The following ZNF804B variants were observed in gnomAD, a reference collection of about 807,000 sequenced individuals.
ZNF804B encodes the protein zinc finger protein 804B, also known as zinc finger 804B.
Under a neutral mutation model 101.4 loss-of-function variants are expected in ZNF804B, and 80 were observed. The ratio of observed to expected loss-of-function variants is 0.79; its 90% CI spans 0.66 to 0.95. ZNF804B has a LOEUF of 0.95. Ranked by LOEUF, ZNF804B falls within the 40% of genes least tolerant of loss-of-function variation. The probability of loss-of-function intolerance (pLI) is 0.00; values close to 1 mark genes in which losing one functional copy is unlikely to be tolerated. For synonymous variants in ZNF804B, 622 were observed against 558.8 expected (o/e 1.11, Z -1.59); for missense variants, 1,673 against 1,561.9 (o/e 1.07, Z -1.20).
intron 1 of ZNF804B, among the ~76,000 whole-genome samples, chr7:89,112,722 T>C (rs951979507): frequency 1.3e-5 from 2 of 151,954 alleles, no homozygotes; most frequent in African/African-American, 4.8e-5. Flanking sequence ...AATTGACATC[T>C]TAATAATATT....
intron 1 of ZNF804B, among the ~76,000 whole-genome samples, chr7:89,153,429 G>GATAATA (rs58654760): frequency 0.049 from 7,176 of 145,394 alleles, 200 homozygotes; most frequent in Admixed American, 0.078. Flanking sequence ...TGATGATGAT[G>GATAATA]ATAATAATAA....
At chr7:89,028,456 T>A (rs1319605967) in intron 1 of ZNF804B, among the ~76,000 whole-genome samples, 1 of 152,160 alleles carries the variant, frequency 6.6e-6, no homozygotes, top group African/African-American at 2.4e-5. Flanking sequence ...TATAGTTAAC[T>A]TACTGTGTGC....
chr7:89,230,307 G>A (rs1276405778), intron 2 of ZNF804B, among the ~76,000 whole-genome samples: 1 of 74,022 alleles, frequency 1.4e-5, no homozygotes, highest in Non-Finnish European at 3.0e-5. Flanking sequence ...CATGGGGAGG[G>A]GGAGAGAGAG....
chr7:88,855,106 T>C (rs1186199507), intron 1 of ZNF804B, among the ~76,000 whole-genome samples: 7 of 152,096 alleles, frequency 4.6e-5, no homozygotes, highest in Admixed American at 2.6e-4. Context: ...TATAATCCTT[T>C]GGGTATATAC....
intron 1 of ZNF804B, among the ~76,000 whole-genome samples, chr7:88,796,694 G>A (rs1317562512): frequency 6.6e-6 from 1 of 152,128 alleles, no homozygotes; most frequent in Non-Finnish European, 1.5e-5. Context: ...CTGCGCTCAT[G>A]ATGTGGTTGG....
intron 1 of ZNF804B, among the ~76,000 whole-genome samples, chr7:88,895,079 T>A (rs1792267119): frequency 6.6e-6 from 1 of 152,184 alleles, no homozygotes; most frequent in Non-Finnish European, 1.5e-5. Context: ...GGGGTATAGA[T>A]TTTTTTATTT....
At chr7:89,161,157 A>C (rs986976170) in intron 1 of ZNF804B, among the ~76,000 whole-genome samples, 1 of 152,060 alleles carries the variant, frequency 6.6e-6, no homozygotes, top group Non-Finnish European at 1.5e-5. Flanking sequence ...AACTGTGCAG[A>C]GAAACCTCCG....
chr7:89,172,509 C>A (rs1476591925), intron 1 of ZNF804B, among the ~76,000 whole-genome samples: 1 of 152,102 alleles, frequency 6.6e-6, no homozygotes, highest in African/African-American at 2.4e-5. Context: ...AAATTATTTT[C>A]TTTTGCCTTG....
At chr7:89,170,223 CT>C (rs1439421039) in intron 1 of ZNF804B, among the ~76,000 whole-genome samples, 3 of 152,152 alleles carry the variant, frequency 2.0e-5, no homozygotes, top group Non-Finnish European at 4.4e-5. Flanking sequence ...CAAAATTTTA[CT>C]ATTCATTTCA....
At chr7:88,980,924 A>G (rs1234837398) in intron 1 of ZNF804B, among the ~76,000 whole-genome samples, 1 of 152,062 alleles carries the variant, frequency 6.6e-6, no homozygotes, top group Non-Finnish European at 1.5e-5. Flanking sequence ...CCCAAGCCCA[A>G]GCAGGTCTGT....
At position 88,854,527 on chromosome 7, in the gene ZNF804B, T is replaced by TTTCCTTTCCTTTCCTTTCCTTCCCCTTCC. The variant is rs1791519535; in HGVS notation, c.108+94449_108+94450insTCCTTTCCTTTCCTTCCCCTTCCTTCCTT. Among the ~76,000 whole-genome samples, 5 of 40,072 alleles carry TTTCCTTTCCTTTCCTTTCCTTCCCCTTCC rather than the reference T, an allele frequency of 1.2e-4. 1 individual carries two copies. The highest frequency in any genetic ancestry group is 4.2e-4 in the African/African-American group (4 of 9,622). 26.3% of individuals were successfully genotyped at this position (40,072 alleles called of 152,430 possible). On this transcript the variant is annotated intron_variant, in intron 1 of 3. Coordinates refer to ENST00000333190, the MANE Select transcript of ZNF804B (RefSeq NM_181646.5). ...CTTTCCTTTCCTTTCCTTTCCTTCC[T>TTTCCTTTCCTTTCCTTTCCTTCCCCTTCC]TTCCTTCCTTCCTTCCTTCCTTCCT...
chr7:89,215,776 C>T (rs942441973), intron 1 of ZNF804B, among the ~76,000 whole-genome samples: 2 of 151,364 alleles, frequency 1.3e-5, no homozygotes, highest in Non-Finnish European at 2.9e-5. Flanking sequence ...CAAGCTACTG[C>T]GGGAGGCTGA....
intron 1 of ZNF804B, among the ~76,000 whole-genome samples, chr7:88,926,943 C>CGGGGTG (rs1792811848): frequency 2.1e-5 from 3 of 144,352 alleles, no homozygotes; most frequent in Admixed American, 7.0e-5. Context: ...TGGTGGGGAG[C>CGGGGTG]GGGGGGAAAG....
intron 1 of ZNF804B, among the ~76,000 whole-genome samples, chr7:88,763,568 A>G (rs55825523): frequency 0.066 from 10,100 of 152,090 alleles, 472 homozygotes; most frequent in South Asian, 0.18. Flanking sequence ...AGTAAAAAAA[A>G]AAAAGAAAAA....
intron 2 of ZNF804B, among the ~76,000 whole-genome samples, chr7:89,267,510 A>G (rs1469434953): frequency 2.6e-5 from 4 of 152,058 alleles, no homozygotes; most frequent in African/African-American, 9.7e-5. Context: ...ACTTCCCTCT[A>G]TGTGTTGATC....
At chr7:89,113,864 G>A (rs1053591154) in intron 1 of ZNF804B, among the ~76,000 whole-genome samples, 21 of 151,828 alleles carry the variant, frequency 1.4e-4, no homozygotes, top group African/African-American at 4.6e-4. Flanking sequence ...CACGAGAATC[G>A]CTTGAACCAA....
intron 2 of ZNF804B, among the ~76,000 whole-genome samples, chr7:89,274,016 G>C (rs1374435310): frequency 6.6e-6 from 1 of 151,870 alleles, no homozygotes; most frequent in Non-Finnish European, 1.5e-5. Context: ...GCCACAAAGA[G>C]TAGACATACT....
intron 1 of ZNF804B, among the ~76,000 whole-genome samples, chr7:88,894,217 C>T (rs935555334): frequency 2.0e-5 from 3 of 151,566 alleles, no homozygotes; most frequent in Admixed American, 2.0e-4. Context: ...CTATGCAATC[C>T]CTTTTTTTTT....
intron 3 of ZNF804B, among the ~76,000 whole-genome samples, chr7:89,328,884 C>G (rs182242391): frequency 6.6e-6 from 1 of 151,882 alleles, no homozygotes; most frequent in African/African-American, 2.4e-5. Context: ...CTTACCCATT[C>G]TATATTTTCC....
Sources: allele counts gnomAD v4.1 joint callset (sites outside exome capture counted in the v4.1 genomes callset), GRCh38; gene constraint gnomAD v4.1.1; transcripts MANE v1.5; gene names NCBI Gene and HGNC (gene_info 2026-07-23, HGNC 2026-07-21).